The following KCTD16 variants were observed in gnomAD, a reference collection of about 807,000 sequenced individuals.
KCTD16 encodes potassium channel tetramerization domain containing 16.
Under a neutral mutation model 33.2 loss-of-function variants are expected in KCTD16, and 13 were observed. That is an observed-to-expected ratio of 0.39 (90% CI 0.25 to 0.62). KCTD16 has a LOEUF of 0.62. Ranked by LOEUF, KCTD16 falls within the 20% of genes least tolerant of loss-of-function variation. KCTD16 has a pLI of 0.50. For synonymous variants in KCTD16, 197 were observed against 195.3 expected (o/e 1.01, Z -0.07); for missense variants, 441 against 525.1 (o/e 0.84, Z 1.57).
intron 3 of KCTD16, among the ~76,000 whole-genome samples, chr5:144,383,832 G>T (rs960474898): frequency 2.6e-5 from 4 of 152,076 alleles, no homozygotes; most frequent in African/African-American, 9.7e-5. Flanking sequence ...TTGCCTTCAT[G>T]ACCATCTGAG....
chr5:144,292,221 A>C (rs995975408), intron 3 of KCTD16, among the ~76,000 whole-genome samples: 4 of 152,240 alleles, frequency 2.6e-5, no homozygotes, highest in African/African-American at 9.6e-5. Context: ...GTGTTCCTGC[A>C]AACCCAGTTC....
intron 3 of KCTD16, among the ~76,000 whole-genome samples, chr5:144,211,728 A>G (rs1314090463): frequency 1.3e-5 from 2 of 152,184 alleles, no homozygotes; most frequent in Non-Finnish European, 1.5e-5. Context: ...TTTATTACCT[A>G]TAGAGATATG....
intron 3 of KCTD16, among the ~76,000 whole-genome samples, chr5:144,467,490 T>A (rs1412650206): frequency 6.6e-6 from 1 of 152,090 alleles, no homozygotes; most frequent in Non-Finnish European, 1.5e-5. Context: ...AACAAGCACA[T>A]CCCTTGCAGT....
At chr5:144,234,252 A>G (rs1754187568) in intron 3 of KCTD16, among the ~76,000 whole-genome samples, 1 of 152,166 alleles carries the variant, frequency 6.6e-6, no homozygotes, top group Non-Finnish European at 1.5e-5. Flanking sequence ...TATTTGGAAG[A>G]GACACAGGCC....
At chr5:144,185,304 A>G (rs541882385) in intron 2 of KCTD16, among the ~76,000 whole-genome samples, 1 of 152,342 alleles carries the variant, frequency 6.6e-6, no homozygotes, top group South Asian at 2.1e-4. Flanking sequence ...CCTCTTCTGT[A>G]TAAGTTTGTA....
rs1185550665 is a variant in KCTD16 at position 144,480,730 on chromosome 5, A to T, written c.*6616A>T. 2 of 151,874 alleles carry T rather than the reference A, an allele frequency of 1.3e-5. No homozygotes were observed. Among genetic ancestry groups the T allele is most frequent in the African/African-American group, 4.8e-5 (2 of 41,382 alleles). The allele number at this position is 151,874 out of a possible 1,614,324, so 9.4% of individuals were successfully genotyped here. A position where few individuals can be genotyped will look rare whatever the true frequency, so the allele number is the denominator to read the frequency against. On this transcript the variant is annotated 3_prime_UTR_variant, in exon 4 of 4. Coordinates refer to ENST00000512467, the MANE Select transcript of KCTD16 (RefSeq NM_020768.4). Reference sequence around the variant, plus strand: ...GACAATTAATGGGTATAGGCCAGAGATGCTGCTAAAGATCCTACAGTGTAC... The same window carrying T: ...GACAATTAATGGGTATAGGCCAGAGTTGCTGCTAAAGATCCTACAGTGTAC...
At position 144,480,691 on chromosome 5, in the gene KCTD16, T is replaced by C. The variant is rs1754688353; in HGVS notation, c.*6577T>C. 1 of 151,890 alleles carries C rather than the reference T, an allele frequency of 6.6e-6. No individual in the cohort carries two copies. The highest frequency in any genetic ancestry group is 2.1e-4 in the South Asian group (1 of 4,830). The allele number at this position is 151,890 out of a possible 1,614,324, so 9.4% of individuals were successfully genotyped here. ...TGGAGATATTTTTTGTTTCATGATT[T>C]GAGGGGTGCTACTGACAATTAATGG... On this transcript the variant is annotated 3_prime_UTR_variant, in exon 4 of 4. Transcript: ENST00000512467.
At chr5:144,196,942 G>T (rs59798628) in intron 2 of KCTD16, among the ~76,000 whole-genome samples, 2 of 152,114 alleles carry the variant, frequency 1.3e-5, no homozygotes, top group Non-Finnish European at 2.9e-5. Context: ...GCAAATCTGC[G>T]TTGTACAGCA....
chr5:144,385,769 G>T (rs1331729665), intron 3 of KCTD16, among the ~76,000 whole-genome samples: 1 of 152,164 alleles, frequency 6.6e-6, no homozygotes, highest in Admixed American at 6.5e-5. Flanking sequence ...AGATATGTTG[G>T]TCCCATTCAA....
chr5:144,207,210 A>G lies in KCTD16; in HGVS notation c.496A>G (p.Ile166Val). 1 of 1,613,672 alleles carries G rather than the reference A, an allele frequency of 6.2e-7. No individual in the cohort carries two copies. Among genetic ancestry groups the G allele is most frequent in the East Asian group, 2.2e-5 (1 of 44,866 alleles). ...LLPADRKWGF[I>V]TVGYRGSCTL... ...CCCTGCCGACCGCAAGTGGGGTTTC[A>G]TTACTGTGGGTTACAGAGGATCCTG... Residue 166 changes from isoleucine to valine, a missense_variant, in exon 3 of 4, where the codon ATT becomes GTT. By Grantham distance (29) the Ile-to-Val change is conservative (BLOSUM62 3). This residue lies in a region of KCTD16 where 355 missense variants were observed against 413.0 expected (regional missense o/e 0.86). Coordinates refer to ENST00000512467, the MANE Select transcript of KCTD16 (RefSeq NM_020768.4).
At chr5:144,171,682 A>T (rs930367690) in intron 1 of KCTD16, among the ~76,000 whole-genome samples, 1 of 152,172 alleles carries the variant, frequency 6.6e-6, no homozygotes, top group African/African-American at 2.4e-5. Context: ...GAATTTGTCA[A>T]CCACTCTTCT....
rs533496561 is a variant in KCTD16, at chr5:144,260,724, A to T, written c.832+53178A>T. ...TATAATTGGTGTAGCATGTCGAAAA[A>T]GATGGTTGCCTGTTTTTTTTGTTGT... On this transcript the variant is annotated intron_variant, in intron 3 of 3. Coordinates refer to ENST00000512467, the MANE Select transcript of KCTD16 (RefSeq NM_020768.4). Among the ~76,000 whole-genome samples, 18 of 146,006 alleles carry T rather than the reference A, an allele frequency of 1.2e-4. No homozygotes were observed. In the South Asian group the frequency reaches 1.3e-3, roughly 10 times the overall value.
chr5:144,189,388 C>T (rs1299668736), intron 2 of KCTD16, among the ~76,000 whole-genome samples: 1 of 151,136 alleles, frequency 6.6e-6, no homozygotes, highest in Non-Finnish European at 1.5e-5. Context: ...CCCAGCTGCT[C>T]GGGAGGCTGA....
At chr5:144,314,838 A>C (rs1751863921) in intron 3 of KCTD16, among the ~76,000 whole-genome samples, 1 of 152,218 alleles carries the variant, frequency 6.6e-6, no homozygotes, top group African/African-American at 2.4e-5. Context: ...TCATGCCCCC[A>C]AAATCTGATA....
intron 3 of KCTD16, among the ~76,000 whole-genome samples, chr5:144,451,623 A>C (rs962195427): frequency 2.0e-5 from 3 of 152,194 alleles, no homozygotes; most frequent in African/African-American, 7.2e-5. Context: ...CTAAAATATT[A>C]ACACTTCTAT....
At position 144,206,475 on chromosome 5, in the gene KCTD16, T is replaced by G; in HGVS notation, c.-240T>G. On this transcript the variant is annotated 5_prime_UTR_variant, in exon 3 of 4. It removes an upstream start codon present in the reference 5' UTR. Transcript: ENST00000512467. The stretch of plus-strand genomic sequence containing the variant: ...ATATAGACGAGTTGATTATATTTTA[T>G]GAAGTAGCAGCTCACTACCATCCAC... 2.3e-6 allele frequency: 1 copy of G among 436,758 alleles called. No homozygotes were observed. The allele number at this position is 436,758 out of a possible 1,614,324, so 27.1% of individuals were successfully genotyped here.
chr5:144,449,678 T>C (rs1753898104), intron 3 of KCTD16, among the ~76,000 whole-genome samples: 2 of 152,104 alleles, frequency 1.3e-5, no homozygotes, highest in East Asian at 3.9e-4. Flanking sequence ...AGAACCTAGA[T>C]ATAAATCCAT....
intron 3 of KCTD16, among the ~76,000 whole-genome samples, chr5:144,390,841 G>T (rs1327087518): frequency 6.6e-6 from 1 of 152,122 alleles, no homozygotes; most frequent in African/African-American, 2.4e-5. Context: ...CCATGTTCCT[G>T]CAAAGGACAT....
At chr5:144,418,335 A>T (rs111611418) in intron 3 of KCTD16, among the ~76,000 whole-genome samples, 8,155 of 152,194 alleles carry the variant, frequency 0.054, 758 homozygotes, top group African/African-American at 0.19. Context: ...CCCCACCCAC[A>T]TCCTGCTGAT....
Sources: gnomAD v4.1 joint callset for allele counts (sites outside exome capture counted in the v4.1 genomes callset) on GRCh38, gnomAD v4.1.1 for gene constraint, gnomAD v4.1.1 regional missense constraint, MANE v1.5 for transcripts, NCBI Gene and HGNC (gene_info 2026-07-23, HGNC 2026-07-21) for gene names.